PLXDC2: variants seen among roughly 807,000 people sequenced by gnomAD.
PLXDC2 encodes the protein plexin domain-containing protein 2.
A neutral mutation model predicts 68.9 loss-of-function variants in PLXDC2; 40 were observed. That is an observed-to-expected ratio of 0.58 (90% CI 0.45 to 0.76). PLXDC2 has a LOEUF of 0.76. Ranked by LOEUF, PLXDC2 falls within the 30% of genes least tolerant of loss-of-function variation. The probability of loss-of-function intolerance (pLI) is 0.00; values close to 1 mark genes in which losing one functional copy is unlikely to be tolerated. For synonymous variants in PLXDC2, 243 were observed against 234.2 expected (o/e 1.04, Z -0.34); for missense variants, 644 against 661.9 (o/e 0.97, Z 0.30).
chr10:19,869,282 G>T (rs2131341316), intron 1 of PLXDC2, among the ~76,000 whole-genome samples: 2 of 152,018 alleles, frequency 1.3e-5, no homozygotes, highest in African/African-American at 4.8e-5. Flanking sequence ...AAATTAACCA[G>T]GTGTGGTGGC....
At chr10:20,081,226 A>G (rs1213493028) in intron 4 of PLXDC2, among the ~76,000 whole-genome samples, 3 of 152,172 alleles carry the variant, frequency 2.0e-5, no homozygotes, top group Non-Finnish European at 4.4e-5. Flanking sequence ...ATAAAAATTC[A>G]TAGTCAACAA....
chr10:20,288,838 T>C lies in PLXDC2; in HGVS notation c.*9019T>C, dbSNP rs1008096630. ...TGTATTGACTGCCTCAGTGACACAATTTATCTTTAAAGGTGTGGAAGCTGG... is the reference window on the plus strand; with the variant it reads ...TGTATTGACTGCCTCAGTGACACAACTTATCTTTAAAGGTGTGGAAGCTGG... On this transcript the variant is annotated 3_prime_UTR_variant, in exon 14 of 14. Transcript: ENST00000377252. 3 of 152,122 alleles carry C rather than the reference T, an allele frequency of 2.0e-5. No individual in the cohort carries two copies. The highest frequency in any genetic ancestry group is 1.9e-4 in the East Asian group (1 of 5,176). The allele number at this position is 152,122 out of a possible 1,614,324, so 9.4% of individuals were successfully genotyped here.
At chr10:19,829,783 G>T (rs554721316) in intron 1 of PLXDC2, among the ~76,000 whole-genome samples, 9 of 152,236 alleles carry the variant, frequency 5.9e-5, no homozygotes, top group African/African-American at 1.9e-4. Flanking sequence ...GAGATGGAGT[G>T]ACTGCAAAGT....
At chr10:20,141,609 T>C (rs1034883420) in intron 4 of PLXDC2, among the ~76,000 whole-genome samples, 15 of 152,012 alleles carry the variant, frequency 9.9e-5, no homozygotes, top group Non-Finnish European at 1.6e-4. Flanking sequence ...TTGTATTCAT[T>C]CTAATGATAA....
intron 3 of PLXDC2, among the ~76,000 whole-genome samples, chr10:20,056,965 G>T (rs1420084392): frequency 6.6e-6 from 1 of 152,074 alleles, no homozygotes; most frequent in Non-Finnish European, 1.5e-5. Flanking sequence ...TAATCATAAA[G>T]CCTGCTAAAA....
At chr10:20,051,405 T>TATAC (rs1835897724) in intron 3 of PLXDC2, among the ~76,000 whole-genome samples, 1 of 4,298 alleles carries the variant, frequency 2.3e-4, no homozygotes, top group African/African-American at 1.0e-3. Flanking sequence ...AATATATATA[T>TATAC]ATATATATAT....
chr10:20,119,107 G>A lies in PLXDC2; in HGVS notation c.542-24188G>A, dbSNP rs1351128871. On this transcript the variant is annotated intron_variant, in intron 4 of 13. Coordinates refer to ENST00000377252, the MANE Select transcript of PLXDC2 (RefSeq NM_032812.9). ...AACCTGAGGGTAGAGGCATCCAGGA[G>A]AGTATATGAGGATGGGGAAAACAAT... is the stretch of plus-strand genomic sequence containing the variant. 2.6e-5 allele frequency among the ~76,000 whole-genome samples: 4 copies of A among 152,134 alleles called. No homozygotes were observed. The East Asian group carries it at 7.7e-4, about 29-fold the overall frequency.
intron 12 of PLXDC2, among the ~76,000 whole-genome samples, chr10:20,240,021 A>G (rs1192718312): frequency 6.6e-6 from 1 of 152,186 alleles, no homozygotes; most frequent in East Asian, 1.9e-4. Flanking sequence ...AGATTATTTC[A>G]TTAGCCAGGT....
chr10:20,112,600 C>A (rs1417823813), intron 4 of PLXDC2, among the ~76,000 whole-genome samples: 1 of 152,116 alleles, frequency 6.6e-6, no homozygotes, highest in Non-Finnish European at 1.5e-5. Context: ...AGTTGGGAAC[C>A]CTCAGAACAC....
intron 1 of PLXDC2, among the ~76,000 whole-genome samples, chr10:19,823,650 G>A (rs923512196): frequency 6.6e-6 from 1 of 151,138 alleles, no homozygotes; most frequent in Non-Finnish European, 1.5e-5. Flanking sequence ...CCAGCTGGGC[G>A]ACAGAGCAAG....
chr10:19,885,834 C>A (rs894805887), intron 1 of PLXDC2, among the ~76,000 whole-genome samples: 3 of 152,092 alleles, frequency 2.0e-5, no homozygotes, highest in African/African-American at 7.2e-5. Context: ...CTTGGCGATG[C>A]AGGCTCTTTT....
chr10:20,061,822 C>T (rs1022549015), intron 3 of PLXDC2, among the ~76,000 whole-genome samples: 1 of 152,236 alleles, frequency 6.6e-6, no homozygotes, highest in East Asian at 1.9e-4. Flanking sequence ...AATTGTGATA[C>T]CGATTCTATT....
At chr10:20,202,671 G>A (rs1834936030) in intron 9 of PLXDC2, among the ~76,000 whole-genome samples, 1 of 152,140 alleles carries the variant, frequency 6.6e-6, no homozygotes, top group African/African-American at 2.4e-5. Flanking sequence ...TGTGAGAATA[G>A]TTTTGCGAGC....
At chr10:19,982,947 A>G (rs1834576809) in intron 1 of PLXDC2, among the ~76,000 whole-genome samples, 1 of 152,214 alleles carries the variant, frequency 6.6e-6, no homozygotes, top group Non-Finnish European at 1.5e-5. Flanking sequence ...ATTTAGGTAT[A>G]TTATTTTTAA....
At chr10:20,032,804 G>C (rs1166625545) in intron 2 of PLXDC2, among the ~76,000 whole-genome samples, 1 of 151,790 alleles carries the variant, frequency 6.6e-6, no homozygotes, top group Non-Finnish European at 1.5e-5. Flanking sequence ...TGGTTTGTTG[G>C]AAGGATTAAA....
rs1834638509 is a variant in PLXDC2, at chr10:19,986,302, C to G, written c.113-15473C>G. ...TTAGGATTAGCATTCTCAGAACAGA[C>G]CTGAATCCAAGCTTAGAAACTGGAA... On this transcript the variant is annotated intron_variant, in intron 1 of 13. Coordinates refer to ENST00000377252, the MANE Select transcript of PLXDC2 (RefSeq NM_032812.9). Among the ~76,000 whole-genome samples the G allele has an allele frequency of 2.0e-5, 3 of 151,852 alleles. No individual in the cohort carries two copies. The South Asian group carries it at 6.2e-4, about 32-fold the overall frequency.
rs1425376568 is a variant in PLXDC2 at position 20,281,128 on chromosome 10, T to C, written c.*1309T>C. 1.3e-5 allele frequency: 2 copies of C among 152,116 alleles called. No homozygotes were observed. Among genetic ancestry groups the C allele is most frequent in the Non-Finnish European group, 2.9e-5 (2 of 68,018 alleles). 9.4% of individuals were successfully genotyped at this position (152,116 alleles called of 1,614,324 possible). On this transcript the variant is annotated 3_prime_UTR_variant, in exon 14 of 14. Coordinates refer to ENST00000377252, the MANE Select transcript of PLXDC2 (RefSeq NM_032812.9). Reference sequence around the variant, plus strand: ...GCCCATCATGTTCTTGACTATTTGATCCACTTTTTCGTTTATGTCAACCCC... The same window carrying C: ...GCCCATCATGTTCTTGACTATTTGACCCACTTTTTCGTTTATGTCAACCCC...
chr10:20,214,085 T>C (rs994414496), intron 10 of PLXDC2, among the ~76,000 whole-genome samples: 2 of 152,166 alleles, frequency 1.3e-5, no homozygotes, highest in African/African-American at 4.8e-5. Flanking sequence ...ATATCTAAAA[T>C]TAAATTTGAC....
intron 1 of PLXDC2, among the ~76,000 whole-genome samples, chr10:19,977,692 C>T (rs527900081): frequency 6.7e-4 from 102 of 152,036 alleles, no homozygotes; most frequent in Non-Finnish European, 1.2e-3. Context: ...GGACTCTTTC[C>T]GGGGTTTGCA....
Sources: gnomAD v4.1 joint callset for allele counts (sites outside exome capture counted in the v4.1 genomes callset) on GRCh38, gnomAD v4.1.1 for gene constraint, MANE v1.5 for transcripts, NCBI Gene and HGNC (gene_info 2026-07-23, HGNC 2026-07-21) for gene names.